The following SGCD variants were observed in gnomAD, a reference collection of about 807,000 sequenced individuals.
The protein encoded by SGCD is sarcoglycan delta.
A neutral mutation model predicts 36.6 loss-of-function variants in SGCD; 18 were observed. That is an observed-to-expected ratio of 0.49 (90% CI 0.34 to 0.73). SGCD has a LOEUF of 0.73. Among genes scored for constraint, SGCD ranks in the 30% least tolerant of loss-of-function variants. SGCD has a pLI of 0.01. For missense variants in SGCD, 387 were observed against 346.7 expected (o/e 1.12, Z -0.92); for synonymous variants, 133 against 130.6 (o/e 1.02, Z -0.12).
At chr5:156,584,447 G>A (rs1476346070) in intron 4 of SGCD, among the ~76,000 whole-genome samples, 2 of 152,182 alleles carry the variant, frequency 1.3e-5, no homozygotes, top group Non-Finnish European at 2.9e-5. Context: ...TCAGCCTTTA[G>A]AACAGTGCTT....
At chr5:155,809,475 T>A in the SGCD span, among the ~76,000 whole-genome samples, 3 of 152,174 alleles carry the variant, frequency 2.0e-5, no homozygotes, top group Admixed American at 2.0e-4. Flanking sequence ...TAAACCAGGG[T>A]CTTATATCAC....
chr5:156,603,938 A>C (rs1007015243), intron 6 of SGCD, among the ~76,000 whole-genome samples: 1 of 151,984 alleles, frequency 6.6e-6, no homozygotes, highest in Non-Finnish European at 1.5e-5. Flanking sequence ...TTTAAGTCTA[A>C]TATTTCTTTG....
At chr5:156,237,456 C>T (rs570138084) in intron 3 of SGCD, among the ~76,000 whole-genome samples, 18 of 152,180 alleles carry the variant, frequency 1.2e-4, no homozygotes, top group African/African-American at 3.9e-4. Flanking sequence ...GAAACCCCCT[C>T]TCTACTAAAA....
chr5:156,128,603 G>A (rs1282483848), intron 3 of SGCD, among the ~76,000 whole-genome samples: 2 of 152,170 alleles, frequency 1.3e-5, no homozygotes, highest in African/African-American at 2.4e-5. Flanking sequence ...CCTGGAGGAA[G>A]GTGATTGGAT....
chr5:156,451,078 T>TCCTCC (rs1753988541), intron 3 of SGCD, among the ~76,000 whole-genome samples: 1 of 135,210 alleles, frequency 7.4e-6, no homozygotes, highest in Admixed American at 7.8e-5. Flanking sequence ...CCCTTGCCTC[T>TCCTCC]CCTCCCCTCC....
At chr5:156,570,612 A>T (rs1185841015) in intron 4 of SGCD, among the ~76,000 whole-genome samples, 4 of 152,144 alleles carry the variant, frequency 2.6e-5, no homozygotes, top group Admixed American at 2.6e-4. Flanking sequence ...GTTTTGTCTA[A>T]TACTAATTTT....
At chr5:155,948,272 G>A (rs1014138175) in intron 1 of SGCD, among the ~76,000 whole-genome samples, 1 of 152,080 alleles carries the variant, frequency 6.6e-6, no homozygotes, top group Admixed American at 6.6e-5. Context: ...GTGACATTCT[G>A]TCTCAATACT....
At chr5:156,672,843 G>A (rs544467905) in intron 7 of SGCD, among the ~76,000 whole-genome samples, 3 of 152,250 alleles carry the variant, frequency 2.0e-5, no homozygotes, top group East Asian at 3.9e-4. Flanking sequence ...TTGCTGTAGA[G>A]TGCCTTAGAG....
chr5:156,333,141 G>C (rs1203161307), intron 2 of SGCD, among the ~76,000 whole-genome samples: 2 of 152,170 alleles, frequency 1.3e-5, no homozygotes, highest in East Asian at 1.9e-4. Context: ...AAGCATTTGA[G>C]AGCGCAGGTA....
At chr5:156,150,736 G>C (rs1284148778) in intron 3 of SGCD, among the ~76,000 whole-genome samples, 1 of 151,674 alleles carries the variant, frequency 6.6e-6, no homozygotes, top group Non-Finnish European at 1.5e-5. Context: ...TGTGAAAGAG[G>C]AGGCAGTTCT....
chr5:156,626,072 G>A (rs1026723521), intron 6 of SGCD, among the ~76,000 whole-genome samples: 22 of 152,082 alleles, frequency 1.4e-4, no homozygotes, highest in Admixed American at 5.9e-4. Context: ...GACATCTAAC[G>A]GATGGAGGAT....
intron 4 of SGCD, among the ~76,000 whole-genome samples, chr5:156,541,673 C>T (rs1758352793): frequency 6.6e-6 from 1 of 152,116 alleles, no homozygotes; most frequent in African/African-American, 2.4e-5. Context: ...GGAGACCTAA[C>T]ATTTATGGAG....
chr5:156,273,967 A>G (rs1472743548), intron 3 of SGCD, among the ~76,000 whole-genome samples: 2 of 152,156 alleles, frequency 1.3e-5, no homozygotes, highest in Non-Finnish European at 2.9e-5. Context: ...TGGGCCAATC[A>G]TGTCACGCTG....
Position 156,759,510 on chromosome 5 carries a change from ACGTGTGTGTGCGTGCTTGAGTGTGTTCG to A in SGCD, c.*129_*156del. On this transcript the variant is annotated 3_prime_UTR_variant, in exon 9 of 9. Transcript: ENST00000337851. ...TATCAAAGACCTTGTGTGTATGTGT[ACGTGTGTGTGCGTGCTTGAGTGTGTTCG>A]CGTGTGTGGGTGGATATAAATATAT... The A allele has an allele frequency of 1.7e-6, 1 of 585,428 alleles. No homozygotes were observed. The allele number at this position is 585,428 out of a possible 1,614,324, so 36.3% of individuals were successfully genotyped here. A position where few individuals can be genotyped will look rare whatever the true frequency, so the allele number is the denominator to read the frequency against.
Position 155,874,157 on chromosome 5 carries a change from C to T in SGCD, c.-282+3733C>T, listed in dbSNP as rs1445836983. Among the ~76,000 whole-genome samples the T allele has an allele frequency of 2.6e-5, 4 of 152,038 alleles. No homozygotes were observed. In the South Asian group the frequency reaches 6.2e-4, roughly 24 times the overall value. ...TCAAAAGAAGGGGATAGGAGAATTC[C>T]TCATCCTATTAAAAAAATGAAGATC... On this transcript the variant is annotated intron_variant, in intron 1 of 9. Transcript: ENST00000517913.
In SGCD at chr5:156,588,945, G is replaced by A. The variant is rs280475; in HGVS notation, c.295-286G>A. 0.13 allele frequency among the ~76,000 whole-genome samples: 20,247 copies of A among 150,958 alleles called. 1,465 individuals are homozygous for A. The highest frequency in any genetic ancestry group is 0.18 in the Admixed American group (2,669 of 15,150). ...TGGGCTTTGTGTCTTAATTTTCTCT[G>A]ATTCAACCATAATAATGTGTGTGTG... is the stretch of plus-strand genomic sequence containing the variant. On this transcript the variant is annotated intron_variant, in intron 4 of 8. Coordinates refer to ENST00000337851, the MANE Select transcript of SGCD (RefSeq NM_000337.6).
chr5:156,730,469 C>A (rs1157375016), intron 7 of SGCD, among the ~76,000 whole-genome samples: 2 of 152,072 alleles, frequency 1.3e-5, no homozygotes, highest in Non-Finnish European at 2.9e-5. Flanking sequence ...TGAGAACATG[C>A]AATATTTGGT....
At chr5:156,560,488 T>C (rs1264625994) in intron 4 of SGCD, among the ~76,000 whole-genome samples, 2 of 152,176 alleles carry the variant, frequency 1.3e-5, no homozygotes, top group Non-Finnish European at 2.9e-5. Context: ...CATATGATGA[T>C]GGCATTAATG....
At chr5:156,213,760 T>C (rs914037753) in intron 3 of SGCD, among the ~76,000 whole-genome samples, 2 of 152,048 alleles carry the variant, frequency 1.3e-5, no homozygotes, top group African/African-American at 4.8e-5. Context: ...ACATTAAAAG[T>C]CATTCATTGT....
Sources: allele counts gnomAD v4.1 joint callset (sites outside exome capture counted in the v4.1 genomes callset), GRCh38; gene constraint gnomAD v4.1.1; transcripts MANE v1.5; gene names NCBI Gene and HGNC (gene_info 2026-07-23, HGNC 2026-07-21).